The following PTPRG variants were observed in gnomAD, a reference collection of about 807,000 sequenced individuals.
PTPRG encodes protein tyrosine phosphatase receptor type G.
Under a neutral mutation model 165.3 loss-of-function variants are expected in PTPRG, and 102 were observed. The observed-to-expected ratio is 0.62, with a 90% CI of 0.53 to 0.73. The LOEUF (loss-of-function observed/expected upper bound fraction) is 0.73. Ranked by LOEUF, PTPRG falls within the 30% of genes least tolerant of loss-of-function variation. PTPRG has a pLI of 0.00. For missense variants in PTPRG, 1,866 were observed against 1,861.4 expected (o/e 1.00, Z -0.05); for synonymous variants, 675 against 669.5 (o/e 1.01, Z -0.13).
intron 4 of PTPRG, among the ~76,000 whole-genome samples, chr3:62,012,739 A>G (rs1416194167): frequency 2.0e-5 from 3 of 152,208 alleles, no homozygotes; most frequent in Non-Finnish European, 4.4e-5. Context: ...CAAGCATTGA[A>G]AAGATTTTGG....
rs186636976 is a variant in PTPRG at position 61,576,724 on chromosome 3, C to T, written c.85+14352C>T. Among the ~76,000 whole-genome samples, 184 of 152,190 alleles carry T rather than the reference C, an allele frequency of 1.2e-3. 1 individual carries two copies. Among genetic ancestry groups the T allele is most frequent in the African/African-American group, 4.1e-3 (171 of 41,522 alleles). ...TACTGTATTCTTGGAAATAGGTGTGCTGCTACATGGGCAATTTTTAAGGTT... is the reference window on the plus strand; with the variant it reads ...TACTGTATTCTTGGAAATAGGTGTGTTGCTACATGGGCAATTTTTAAGGTT... On this transcript the variant is annotated intron_variant, in intron 1 of 29. Coordinates refer to ENST00000474889, the MANE Select transcript of PTPRG (RefSeq NM_002841.4).
intron 2 of PTPRG, among the ~76,000 whole-genome samples, chr3:61,792,668 TTTTCTTTCTTTCTTTC>T (rs199609616): frequency 0.13 from 15,721 of 117,856 alleles, 1,457 homozygotes; most frequent in Middle Eastern, 0.19. Flanking sequence ...TTTTTGTGGG[TTTTCTTTCTTTCTTTC>T]TTTCTTTCTT....
At chr3:62,103,629 C>A (rs1365467242) in intron 5 of PTPRG, among the ~76,000 whole-genome samples, 1 of 152,186 alleles carries the variant, frequency 6.6e-6, no homozygotes, top group Non-Finnish European at 1.5e-5. Flanking sequence ...ATCCTCTTTT[C>A]ATTCTGATGT....
intron 2 of PTPRG, among the ~76,000 whole-genome samples, chr3:61,907,875 C>T (rs1313280065): frequency 6.6e-6 from 1 of 151,892 alleles, no homozygotes; most frequent in Non-Finnish European, 1.5e-5. Context: ...CCTGTAATCC[C>T]AGCACTTTGG....
chr3:62,091,499 G>T (rs1370937337), intron 5 of PTPRG, among the ~76,000 whole-genome samples: 1 of 152,160 alleles, frequency 6.6e-6, no homozygotes, highest in Non-Finnish European at 1.5e-5. Flanking sequence ...AGATGGTGGT[G>T]AGGCCATTAG....
chr3:61,997,838 T>C (rs2041076040), intron 3 of PTPRG, among the ~76,000 whole-genome samples: 1 of 152,224 alleles, frequency 6.6e-6, no homozygotes, highest in African/African-American at 2.4e-5. Flanking sequence ...GCATTCTGAC[T>C]TTCAGACAAC....
intron 14 of PTPRG, among the ~76,000 whole-genome samples, chr3:62,235,957 C>T (rs1041148364): frequency 1.6e-4 from 24 of 152,128 alleles, no homozygotes; most frequent in Non-Finnish European, 3.2e-4. Context: ...TTTGATTATC[C>T]CCCAAAGCAC....
At chr3:62,052,191 A>G (rs961624637) in intron 4 of PTPRG, among the ~76,000 whole-genome samples, 1 of 152,202 alleles carries the variant, frequency 6.6e-6, no homozygotes, top group African/African-American at 2.4e-5. Context: ...CAAATGTTAA[A>G]GATTAGCACG....
intron 5 of PTPRG, among the ~76,000 whole-genome samples, chr3:62,114,358 G>C (rs1051410091): frequency 6.6e-6 from 1 of 152,042 alleles, no homozygotes; most frequent in African/African-American, 2.4e-5. Context: ...AGTATACTCA[G>C]TTTTAATTTT....
intron 1 of PTPRG, among the ~76,000 whole-genome samples, chr3:61,659,904 G>C (rs999047495): frequency 1.3e-5 from 2 of 152,150 alleles, no homozygotes; most frequent in African/African-American, 2.4e-5. Context: ...ATGTGGCTAT[G>C]GTGGAAACTT....
At chr3:62,260,476 A>T (rs1701661823) in intron 16 of PTPRG, among the ~76,000 whole-genome samples, 1 of 152,130 alleles carries the variant, frequency 6.6e-6, no homozygotes, top group South Asian at 2.1e-4. Flanking sequence ...GGGTTTGTTC[A>T]GTCTTCGATT....
At chr3:61,812,667 G>T (rs1262400790) in intron 2 of PTPRG, among the ~76,000 whole-genome samples, 1 of 152,190 alleles carries the variant, frequency 6.6e-6, no homozygotes, top group Non-Finnish European at 1.5e-5. Context: ...GGGACAACAA[G>T]ACCAGCAAAA....
chr3:61,827,436 G>T (rs926857470), intron 2 of PTPRG, among the ~76,000 whole-genome samples: 4 of 152,126 alleles, frequency 2.6e-5, no homozygotes, highest in African/African-American at 9.7e-5. Flanking sequence ...AAGGTGGAAG[G>T]TGGACAGAAT....
chr3:61,891,118 G>A (rs895242132), intron 2 of PTPRG, among the ~76,000 whole-genome samples: 2 of 152,008 alleles, frequency 1.3e-5, no homozygotes, highest in African/African-American at 4.8e-5. Context: ...AAGAGTTTGA[G>A]ACCAGCCTGG....
At chr3:61,783,146 A>C (rs1246292992) in intron 2 of PTPRG, among the ~76,000 whole-genome samples, 6 of 152,176 alleles carry the variant, frequency 3.9e-5, no homozygotes, top group Non-Finnish European at 7.3e-5. Flanking sequence ...ACTTTTTAAA[A>C]TATATTTCAA....
chr3:62,203,756 A>C lies in PTPRG; in HGVS notation c.1961A>C (p.Asp654Ala). 6.2e-7 allele frequency: 1 copy of C among 1,608,254 alleles called. No individual in the cohort carries two copies. Among genetic ancestry groups the C allele is most frequent in the Non-Finnish European group, 8.5e-7 (1 of 1,177,050 alleles). The change falls in exon 12 of 30, where the codon GAC becomes GCC. Residue 654 changes from aspartate (D) to alanine (A), a missense_variant. Asp to Ala is a moderately radical substitution (Grantham distance 126, BLOSUM62 -2). Transcript: ENST00000474889. The surrounding 1 kb of genome is among the most constrained non-coding windows in gnomAD (Gnocchi z 6.4). ...HEQDHTAVPT[D>A]QTGGRRDAGP... Reference sequence around the variant, plus strand: ...CAGGATCACACTGCCGTCCCCACAGACCAGACGGGCGGAAGGAGGGATGCC... The same window carrying C: ...CAGGATCACACTGCCGTCCCCACAGCCCAGACGGGCGGAAGGAGGGATGCC...
chr3:62,047,025 A>G (rs1182231391), intron 4 of PTPRG, among the ~76,000 whole-genome samples: 1 of 152,160 alleles, frequency 6.6e-6, no homozygotes, highest in African/African-American at 2.4e-5. Flanking sequence ...TAATTTGCCC[A>G]TGGGTATTAG....
Position 62,203,831 on chromosome 3 carries a change from C to G in PTPRG, c.2036C>G (p.Thr679Ser). 1 of 1,614,132 alleles carries G rather than the reference C, an allele frequency of 6.2e-7. No individual in the cohort carries two copies. The highest frequency in any genetic ancestry group is 1.3e-5 in the African/African-American group (1 of 75,064). The change falls in exon 12 of 30, where the codon ACC (threonine) becomes AGC (serine). Residue 679 changes from threonine to serine, a missense_variant. By Grantham distance (58) the Thr-to-Ser change is moderately conservative. This residue lies in a region of PTPRG where 1,452 missense variants were observed against 1,463.0 expected (regional missense o/e 0.99). Transcript: ENST00000474889. This position sits in a 1 kb window ranked among gnomAD's most constrained non-coding sequence, Gnocchi z 6.4. ...DMVTSTQVPP[T>S]ATEEQYAGSD... ...GTCACCTCCACCCAAGTGCCCCCCACCGCCACAGAGGAGCAGTATGCAGGG... is the reference window on the plus strand; with the variant it reads ...GTCACCTCCACCCAAGTGCCCCCCAGCGCCACAGAGGAGCAGTATGCAGGG...
chr3:62,001,770 G>A (rs997864456), intron 3 of PTPRG, among the ~76,000 whole-genome samples: 7 of 152,124 alleles, frequency 4.6e-5, no homozygotes, highest in African/African-American at 1.7e-4. Flanking sequence ...TTAAATATCA[G>A]TGTGGTTAAA....
Sources: gnomAD v4.1 joint callset for allele counts (sites outside exome capture counted in the v4.1 genomes callset) on GRCh38, gnomAD v4.1.1 for gene constraint, gnomAD v4.1.1 regional missense constraint, Gnocchi (gnomAD v3.1) non-coding constraint, MANE v1.5 for transcripts, NCBI Gene and HGNC (gene_info 2026-07-23, HGNC 2026-07-21) for gene names.